SMCHD1: variants seen among roughly 807,000 people sequenced by gnomAD.
The protein encoded by SMCHD1 is structural maintenance of chromosomes flexible hinge domain containing 1.
A neutral mutation model predicts 254.7 loss-of-function variants in SMCHD1; 78 were observed. The observed-to-expected ratio is 0.31, with a 90% CI of 0.26 to 0.37. The LOEUF (loss-of-function observed/expected upper bound fraction) is 0.37. Ranked by LOEUF, SMCHD1 falls within the 10% of genes least tolerant of loss-of-function variation. SMCHD1 has a pLI of 1.00. For missense variants in SMCHD1, 1,840 were observed against 2,408.1 expected (o/e 0.76, Z 4.94); for synonymous variants, 766 against 794.9 (o/e 0.96, Z 0.61).
Position 2,697,889 on chromosome 18 carries a change from A to G in SMCHD1, c.1190A>G (p.Asp397Gly). ...PKIVNLREIQ[D>G]DMQTLYVNTA... ...ATTGTCAACCTAAGGGAAATACAAGACGACATGCAGACGTTGTATGTAAAC... is the reference window on the plus strand; with the variant it reads ...ATTGTCAACCTAAGGGAAATACAAGGCGACATGCAGACGTTGTATGTAAAC... The change falls in exon 10 of 48, where the codon GAC becomes GGC. Residue 397 changes from aspartate (D) to glycine (G), a missense_variant. By Grantham distance (94) the Asp-to-Gly change is moderately conservative. This residue lies in a region of SMCHD1 where 498 missense variants were observed against 743.5 expected (regional missense o/e 0.67). Coordinates refer to ENST00000320876, the MANE Select transcript of SMCHD1 (RefSeq NM_015295.3). 6.2e-7 allele frequency: 1 copy of G among 1,613,716 alleles called. No homozygotes were observed. Among genetic ancestry groups the G allele is most frequent in the Non-Finnish European group, 8.5e-7 (1 of 1,179,714 alleles).
At chr18:2,765,496 G>C (rs1489953216) in intron 37 of SMCHD1, among the ~76,000 whole-genome samples, 1 of 152,164 alleles carries the variant, frequency 6.6e-6, no homozygotes, top group Non-Finnish European at 1.5e-5. Flanking sequence ...CTGAAGACTT[G>C]TCAATTGGTC....
intron 30 of SMCHD1, among the ~76,000 whole-genome samples, chr18:2,748,757 G>C (rs1459765327): frequency 2.0e-5 from 3 of 152,154 alleles, no homozygotes; most frequent in Non-Finnish European, 4.4e-5. Context: ...GTCCCAGCCA[G>C]GTTGTTGCTA....
rs2143888039 is a variant in SMCHD1, at chr18:2,802,746, A to G, written c.*194A>G. ...TTCAATTTTATGAATCTTACTGGAC[A>G]TTATGGATTTACTGGAATTATTCCA... is the stretch of plus-strand genomic sequence containing the variant. On this transcript the variant is annotated 3_prime_UTR_variant, in exon 48 of 48. Transcript: ENST00000320876. 3 of 460,298 alleles carry G rather than the reference A, an allele frequency of 6.5e-6. No individual in the cohort carries two copies. The highest frequency in any genetic ancestry group is 1.2e-5 in the Non-Finnish European group (3 of 258,404). 28.5% of individuals were successfully genotyped at this position (460,298 alleles called of 1,614,324 possible).
rs377503335 is a variant in SMCHD1 at position 2,775,832 on chromosome 18, C to G, written c.5274C>G (p.Asp1758Glu). ...DMDCVVTLTTDAARRIYDETQ... is the reference protein window; with the variant it reads ...DMDCVVTLTTEAARRIYDETQ... ...ACTGTGTAGTCACCCTAACCACTGACGCTGCACGTCGTATCTATGATGAAA... is the reference window on the plus strand; with the variant it reads ...ACTGTGTAGTCACCCTAACCACTGAGGCTGCACGTCGTATCTATGATGAAA... Residue 1758 changes from aspartate to glutamate, a missense_variant, in exon 42 of 48, where the codon GAC becomes GAG. Asp to Glu is a conservative substitution (Grantham distance 45). Coordinates refer to ENST00000320876, the MANE Select transcript of SMCHD1 (RefSeq NM_015295.3). 1 of 1,612,558 alleles carries G rather than the reference C, an allele frequency of 6.2e-7. No individual in the cohort carries two copies. The highest frequency in any genetic ancestry group is 1.1e-5 in the South Asian group (1 of 90,746).
chr18:2,679,964 C>G (rs2073887843), intron 5 of SMCHD1, among the ~76,000 whole-genome samples: 1 of 152,036 alleles, frequency 6.6e-6, no homozygotes, highest in South Asian at 2.1e-4. Flanking sequence ...TTCTGCCAAC[C>G]CAAATCTGCT....
chr18:2,791,548 A>G (rs1020043741), intron 45 of SMCHD1, among the ~76,000 whole-genome samples: 5 of 152,236 alleles, frequency 3.3e-5, no homozygotes, highest in Admixed American at 2.0e-4. Flanking sequence ...CTCTGTCTCA[A>G]AAAAACAAAG....
At chr18:2,765,331 A>G (rs1171810774) in intron 37 of SMCHD1, among the ~76,000 whole-genome samples, 1 of 152,082 alleles carries the variant, frequency 6.6e-6, no homozygotes. Flanking sequence ...TTTTCTTGAT[A>G]TCTTTTCAGT....
chr18:2,718,067 A>C lies in SMCHD1; in HGVS notation c.2261-91A>C. On this transcript the variant is annotated intron_variant, in intron 17 of 47. Coordinates refer to ENST00000320876, the MANE Select transcript of SMCHD1 (RefSeq NM_015295.3). This position sits in a 1 kb window ranked among gnomAD's most constrained non-coding sequence, Gnocchi z 4.6. The stretch of plus-strand genomic sequence containing the variant: ...TCAAAGCAGGTTTTAAAATACAGCA[A>C]ATAGGTATTTGGTGCCAATGTGACA... The C allele has an allele frequency of 1.1e-6, 1 of 938,638 alleles. No individual in the cohort carries two copies. Among genetic ancestry groups the C allele is most frequent in the Non-Finnish European group, 1.6e-6 (1 of 623,262 alleles). 58.1% of individuals were successfully genotyped at this position (938,638 alleles called of 1,614,324 possible). A position where few individuals can be genotyped will look rare whatever the true frequency, so the allele number is the denominator to read the frequency against.
intron 37 of SMCHD1, 89 bp from the exon 38 acceptor site, chr18:2,769,604 GA>G: frequency 7.1e-7 from 1 of 1,401,238 alleles, no homozygotes; most frequent in Non-Finnish European, 9.7e-7. Flanking sequence ...CCACTTACTT[GA>G]AAACAGCATA....
intron 20 of SMCHD1, among the ~76,000 whole-genome samples, chr18:2,723,464 A>G (rs555116259): frequency 9.9e-5 from 15 of 152,050 alleles, no homozygotes; most frequent in African/African-American, 3.6e-4. Context: ...TCTGGAGTAC[A>G]TTGTTGGGGG....
chr18:2,673,090 A>G, intron 3 of SMCHD1, 191 bp from the exon 4 acceptor site: 14 of 985,396 alleles, frequency 1.4e-5, no homozygotes, highest in Non-Finnish European at 1.4e-5. Context: ...GTACTGATTG[A>G]TGACTGCTTT....
At chr18:2,723,011 C>T (rs191424725) in intron 20 of SMCHD1, among the ~76,000 whole-genome samples, 135 of 152,198 alleles carry the variant, frequency 8.9e-4, no homozygotes, top group Non-Finnish European at 1.4e-3. Flanking sequence ...TCTCTTTTAG[C>T]GTTCTTAGTT....
intron 19 of SMCHD1, among the ~76,000 whole-genome samples, chr18:2,721,185 G>GT (rs1386505616): frequency 2.6e-5 from 4 of 152,078 alleles, no homozygotes; most frequent in Admixed American, 2.6e-4. Flanking sequence ...TTGCTTTGTT[G>GT]TTTGAGTATT....
intron 8 of SMCHD1, among the ~76,000 whole-genome samples, chr18:2,695,751 T>C (rs566524385): frequency 1.3e-5 from 2 of 150,876 alleles, no homozygotes; most frequent in Non-Finnish European, 3.0e-5. Context: ...TTTTTACATT[T>C]ACCCAAAAGG....
At chr18:2,685,754 C>G (rs1410955651) in intron 5 of SMCHD1, among the ~76,000 whole-genome samples, 2 of 152,274 alleles carry the variant, frequency 1.3e-5, no homozygotes, top group African/African-American at 4.8e-5. Context: ...TTTCACTTAG[C>G]ATAATTTTCG....
At chr18:2,727,661 A>T (rs905958262) in intron 22 of SMCHD1, among the ~76,000 whole-genome samples, 2 of 152,026 alleles carry the variant, frequency 1.3e-5, no homozygotes, top group Non-Finnish European at 2.9e-5. Context: ...AAAATACTTA[A>T]TTTCTCTGAA....
chr18:2,788,293 A>T (rs2076269841), intron 45 of SMCHD1, among the ~76,000 whole-genome samples: 1 of 152,206 alleles, frequency 6.6e-6, no homozygotes, highest in Non-Finnish European at 1.5e-5. Context: ...ATATTATAAA[A>T]TATTACGTTG....
chr18:2,778,234 A>AT lies in SMCHD1; in HGVS notation c.5542_5543insT (p.Lys1848IlefsTer5). The AT allele has an allele frequency of 6.2e-7, 1 of 1,604,156 alleles. No individual in the cohort carries two copies. Among genetic ancestry groups the AT allele is most frequent in the Non-Finnish European group, 8.5e-7 (1 of 1,173,142 alleles). On this transcript the variant is annotated frameshift_variant, in exon 44 of 48. Coordinates refer to ENST00000320876, the MANE Select transcript of SMCHD1 (RefSeq NM_015295.3). LOFTEE classifies it high-confidence loss of function. ...TCTGGATGCGGCCAATCATTATAGA[A>AT]AAGAGGTATGTATTTGATTTCTTTT...
At chr18:2,701,147 C>A in intron 12 of SMCHD1, 1 of 316,264 alleles carries the variant, frequency 3.2e-6, no homozygotes, top group Non-Finnish European at 5.6e-6. Flanking sequence ...ATTTACATAT[C>A]TTCATTAGTT....
Sources: gnomAD v4.1 joint callset for allele counts (sites outside exome capture counted in the v4.1 genomes callset) on GRCh38, gnomAD v4.1.1 for gene constraint, gnomAD v4.1.1 regional missense constraint, Gnocchi (gnomAD v3.1) non-coding constraint, MANE v1.5 for transcripts, NCBI Gene and HGNC (gene_info 2026-07-23, HGNC 2026-07-21) for gene names.